LARS2: variants seen among roughly 807,000 people sequenced by gnomAD.
LARS2 encodes the protein leucyl-tRNA synthetase 2, mitochondrial.
In LARS2, 81 loss-of-function variants were observed where a neutral mutation model predicts 116.6. The observed-to-expected ratio is 0.69, with a 90% CI of 0.58 to 0.84. The LOEUF (loss-of-function observed/expected upper bound fraction) is 0.84. Ranked by LOEUF, LARS2 falls within the 40% of genes least tolerant of loss-of-function variation. LARS2 has a pLI of 0.00. For missense variants in LARS2, 968 were observed against 1,114.5 expected (o/e 0.87, Z 1.87); for synonymous variants, 396 against 407.2 (o/e 0.97, Z 0.33).
chr3:45,430,003 C>CTTTTTTTTT lies in LARS2; in HGVS notation c.516+10292_516+10300dup. 1.0e-3 allele frequency among the ~76,000 whole-genome samples: 58 copies of CTTTTTTTTT among 56,952 alleles called. 17 individuals carry two copies. The highest frequency in any genetic ancestry group is 1.2e-3 in the Non-Finnish European group (42 of 34,744). 37.4% of individuals were successfully genotyped at this position (56,952 alleles called of 152,430 possible). A position where few individuals can be genotyped will look rare whatever the true frequency, so the allele number is the denominator to read the frequency against. On this transcript the variant is annotated intron_variant, in intron 6 of 21. Transcript: ENST00000645846. ...AGGCATGAGCCACCATGCCCAGCCT[C>CTTTTTTTTT]TTTTTTTTTTTTTTTTTTTTTTTTT...
At chr3:45,459,111 G>A (rs1361648422) in intron 8 of LARS2, among the ~76,000 whole-genome samples, 2 of 152,126 alleles carry the variant, frequency 1.3e-5, no homozygotes, top group Non-Finnish European at 2.9e-5. Context: ...GTCATTGTAG[G>A]CCATTGTTTG....
intron 4 of LARS2, among the ~76,000 whole-genome samples, chr3:45,413,561 G>GA (rs1479408566): frequency 2.6e-5 from 4 of 152,218 alleles, no homozygotes; most frequent in Non-Finnish European, 5.9e-5. Flanking sequence ...TTAGATTTAG[G>GA]ACCTTTGCCC....
chr3:45,439,422 T>C (rs1448080544), intron 6 of LARS2, among the ~76,000 whole-genome samples: 3 of 151,980 alleles, frequency 2.0e-5, no homozygotes, highest in African/African-American at 7.2e-5. Flanking sequence ...GGTTTCACAA[T>C]GTTGGCCAGG....
At position 45,529,410 on chromosome 3, in the gene LARS2, G is replaced by C. The variant is rs138646125; in HGVS notation, c.2404+5302G>C. Among the ~76,000 whole-genome samples, 33 of 152,068 alleles carry C rather than the reference G, an allele frequency of 2.2e-4. 1 individual carries two copies. Among genetic ancestry groups the C allele is most frequent in the African/African-American group, 7.5e-4 (31 of 41,490 alleles). ...ACTAAAAATACAAAATTAGCCGGGC[G>C]TGGTGGCGCATGCCTGTAATCCCAG... On this transcript the variant is annotated intron_variant, in intron 20 of 21. Transcript: ENST00000645846.
intron 11 of LARS2, among the ~76,000 whole-genome samples, chr3:45,488,382 G>A (rs1005058908): frequency 2.6e-5 from 4 of 152,166 alleles, no homozygotes; most frequent in South Asian, 2.1e-4. Flanking sequence ...GCAGTGAGCC[G>A]AGATCGTGCC....
chr3:45,436,585 G>C (rs1177105587), intron 6 of LARS2, among the ~76,000 whole-genome samples: 1 of 151,834 alleles, frequency 6.6e-6, no homozygotes, highest in Non-Finnish European at 1.5e-5. Flanking sequence ...ATGAGGTCAG[G>C]AGATCGAGAC....
rs112212443 is a variant in LARS2, at chr3:45,473,438, A to G, written c.751-805A>G. On this transcript the variant is annotated intron_variant, in intron 8 of 21. Coordinates refer to ENST00000645846, the MANE Select transcript of LARS2 (RefSeq NM_015340.4). Reference sequence around the variant, plus strand: ...CTTGCTCTGTCACCCAGGCTGCAGTACAGTGGTGTAATCTCGGCTCACTGC... The same window carrying G: ...CTTGCTCTGTCACCCAGGCTGCAGTGCAGTGGTGTAATCTCGGCTCACTGC... Among the ~76,000 whole-genome samples, 1,388 of 151,402 alleles carry G rather than the reference A, an allele frequency of 9.2e-3. 15 individuals are homozygous for G. The highest frequency in any genetic ancestry group is 0.02 in the Middle Eastern group (6 of 294).
chr3:45,547,496 G>C lies in LARS2; in HGVS notation c.2678G>C (p.Arg893Thr), dbSNP rs1346858833. 1 of 1,610,572 alleles carries C rather than the reference G, an allele frequency of 6.2e-7. No homozygotes were observed. The highest frequency in any genetic ancestry group is 1.1e-5 in the South Asian group (1 of 90,598). The change falls in exon 22 of 22, where the codon AGA becomes ACA. Residue 893 changes from arginine (R) to threonine (T), a missense_variant. Arg to Thr is a moderately conservative substitution (Grantham distance 71). Coordinates refer to ENST00000645846, the MANE Select transcript of LARS2 (RefSeq NM_015340.4). ...RSIKKSFLSP[R>T]TALINFLVQD Reference sequence around the variant, plus strand: ...ATCAAGAAGTCCTTCCTTTCCCCGAGAACTGCCCTCATCAACTTCCTGGTG... The same window carrying C: ...ATCAAGAAGTCCTTCCTTTCCCCGACAACTGCCCTCATCAACTTCCTGGTG...
chr3:45,483,256 C>G (rs573907289), intron 10 of LARS2, among the ~76,000 whole-genome samples: 2 of 152,300 alleles, frequency 1.3e-5, no homozygotes, highest in African/African-American at 4.8e-5. Context: ...CTAGATATTA[C>G]CTAGTGACTT....
At chr3:45,443,961 T>C (rs1030035490) in intron 6 of LARS2, among the ~76,000 whole-genome samples, 1 of 151,598 alleles carries the variant, frequency 6.6e-6, no homozygotes, top group African/African-American at 2.4e-5. Context: ...GGCTAACGCT[T>C]GGTTGGATGA....
At chr3:45,493,265 A>C (rs1453542089) in intron 13 of LARS2, among the ~76,000 whole-genome samples, 1 of 152,058 alleles carries the variant, frequency 6.6e-6, no homozygotes, top group Non-Finnish European at 1.5e-5. Flanking sequence ...AAGCCCGGCT[A>C]ATTTTTTGTA....
chr3:45,540,754 A>G (rs71325067), intron 20 of LARS2, among the ~76,000 whole-genome samples: 44,065 of 99,416 alleles, frequency 0.44, 7,221 homozygotes, highest in Admixed American at 0.54. Context: ...CTGTCTATCT[A>G]TCTATCTATC....
chr3:45,391,799 A>C (rs1334176647), intron 2 of LARS2, among the ~76,000 whole-genome samples, 151 bp downstream of exon 2: 1 of 152,242 alleles, frequency 6.6e-6, no homozygotes, highest in Non-Finnish European at 1.5e-5. Flanking sequence ...TATTTAAGCA[A>C]AGCAGAGGTC....
intron 20 of LARS2, among the ~76,000 whole-genome samples, chr3:45,524,829 T>C (rs1275109185): frequency 6.6e-6 from 1 of 152,230 alleles, no homozygotes. Context: ...TGATGTGGTG[T>C]CACAGAGAAG....
At chr3:45,490,721 G>A (rs1021166980) in intron 12 of LARS2, among the ~76,000 whole-genome samples, 16 of 152,216 alleles carry the variant, frequency 1.1e-4, no homozygotes, top group Non-Finnish European at 2.4e-4. Flanking sequence ...GCTAGCACGA[G>A]CCCAGCACGT....
chr3:45,487,522 G>T (rs1699836366), intron 11 of LARS2, among the ~76,000 whole-genome samples: 1 of 152,182 alleles, frequency 6.6e-6, no homozygotes, highest in Admixed American at 6.5e-5. Context: ...TTCACACAAT[G>T]TGTTGTATCC....
At chr3:45,394,151 G>C (rs1698004813) in intron 2 of LARS2, among the ~76,000 whole-genome samples, 1 of 152,214 alleles carries the variant, frequency 6.6e-6, no homozygotes, top group South Asian at 2.1e-4. Context: ...TGCCTTCCAT[G>C]CAACTTGTGA....
chr3:45,533,393 C>T (rs1414850226), intron 20 of LARS2, among the ~76,000 whole-genome samples: 2 of 151,944 alleles, frequency 1.3e-5, no homozygotes, highest in East Asian at 1.9e-4. Flanking sequence ...GTGATCCGCC[C>T]GCCTCGGCCT....
chr3:45,478,563 A>G (rs1487328832), intron 10 of LARS2, among the ~76,000 whole-genome samples: 1 of 152,224 alleles, frequency 6.6e-6, no homozygotes, highest in African/African-American at 2.4e-5. Context: ...GAACACATGG[A>G]TATCGACACA....
Sources: gnomAD v4.1 joint callset for allele counts (sites outside exome capture counted in the v4.1 genomes callset) on GRCh38, gnomAD v4.1.1 for gene constraint, MANE v1.5 for transcripts, NCBI Gene and HGNC (gene_info 2026-07-23, HGNC 2026-07-21) for gene names.